The following QPCT variants were observed in gnomAD, a reference collection of about 807,000 sequenced individuals.
The protein encoded by QPCT is glutaminyl-peptide cyclotransferase, also known as EC.
A neutral mutation model predicts 43.4 loss-of-function variants in QPCT; 44 were observed. That is an observed-to-expected ratio of 1.01 (90% CI 0.80 to 1.30). The LOEUF (loss-of-function observed/expected upper bound fraction) is 1.30, where lower values mean the gene tolerates loss of function less well. QPCT is among the 50% of genes most tolerant of loss of function. The pLI is 0.00. For synonymous variants in QPCT, 168 were observed against 168.4 expected (o/e 1.00, Z 0.02); for missense variants, 526 against 436.5 (o/e 1.21, Z -1.83).
intron 1 of QPCT, among the ~76,000 whole-genome samples, chr2:37,345,171 G>A (rs1021583124): frequency 2.6e-5 from 4 of 152,176 alleles, no homozygotes; most frequent in Non-Finnish European, 4.4e-5. Flanking sequence ...CGGGAGGCGA[G>A]GGCGCATCGC....
chr2:37,372,220 C>T, intron 5 of QPCT, 136 bp from the exon 6 acceptor site: 1 of 704,662 alleles, frequency 1.4e-6, no homozygotes, highest in Non-Finnish European at 2.6e-6. Context: ...TGGGTGTGGC[C>T]ATGCTTGCTG....
chr2:37,370,865 T>G (rs373448636), intron 5 of QPCT, among the ~76,000 whole-genome samples: 1 of 152,164 alleles, frequency 6.6e-6, no homozygotes, highest in Non-Finnish European at 1.5e-5. Flanking sequence ...CAGGGAAAGA[T>G]GAAAATGAGA....
chr2:37,367,351 G>T lies in QPCT; in HGVS notation c.666G>T (p.Lys222Asn). The change falls in exon 4 of 7, where the codon AAG becomes AAT. Residue 222 changes from lysine (K) to asparagine (N), a missense_variant. By Grantham distance (94) the Lys-to-Asn change is moderately conservative. Coordinates refer to ENST00000338415, the MANE Select transcript of QPCT (RefSeq NM_012413.4). The stretch of plus-strand genomic sequence containing the variant: ...ATGGGTCTCGACACTTAGCTGCAAA[G>T]ATGGCATCGACCCCGCACCCACCTG... ...SLYGSRHLAA[K>N]MASTPHPPGA... 6.2e-7 allele frequency: 1 copy of T among 1,614,048 alleles called. No individual in the cohort carries two copies. The highest frequency in any genetic ancestry group is 8.5e-7 in the Non-Finnish European group (1 of 1,179,942).
At chr2:37,344,915 C>T (rs1208630880) in intron 1 of QPCT, 64 bp downstream of exon 1, 2 of 1,483,514 alleles carry the variant, frequency 1.3e-6, no homozygotes, top group Non-Finnish European at 8.9e-7. Flanking sequence ...GACCCCTGGC[C>T]GGGTCAGCCC....
At chr2:37,347,916 CAT>C (rs1173845411) in intron 1 of QPCT, among the ~76,000 whole-genome samples, 1 of 152,182 alleles carries the variant, frequency 6.6e-6, no homozygotes, top group Non-Finnish European at 1.5e-5. Flanking sequence ...ATAAAGTTGA[CAT>C]GTGCTCATTT....
chr2:37,359,526 C>T (rs1572733357), intron 2 of QPCT, 54 bp from the exon 3 acceptor site: 6 of 1,519,728 alleles, frequency 3.9e-6, no homozygotes, highest in Middle Eastern at 1.8e-4. Flanking sequence ...TCACAGTTAA[C>T]AAATGAAAGC....
At chr2:37,345,135 A>G (rs1398392669) in intron 1 of QPCT, among the ~76,000 whole-genome samples, 1 of 152,122 alleles carries the variant, frequency 6.6e-6, no homozygotes, top group Non-Finnish European at 1.5e-5. Context: ...GGCACAGGAA[A>G]TGTGTCTCGC....
At chr2:37,355,998 G>T (rs1345532740) in intron 2 of QPCT, among the ~76,000 whole-genome samples, 1 of 152,054 alleles carries the variant, frequency 6.6e-6, no homozygotes, top group Non-Finnish European at 1.5e-5. Context: ...GAGTAAAGAG[G>T]TACCCGAGTC....
intron 3 of QPCT, among the ~76,000 whole-genome samples, chr2:37,365,810 A>G (rs2124940938): frequency 6.6e-6 from 1 of 152,252 alleles, no homozygotes; most frequent in African/African-American, 2.4e-5. Context: ...GGAGAGGAGG[A>G]ATGTGAAATC....
chr2:37,349,549 C>T (rs1183580061), intron 1 of QPCT, among the ~76,000 whole-genome samples: 4 of 152,340 alleles, frequency 2.6e-5, no homozygotes, highest in South Asian at 4.1e-4. Flanking sequence ...AAGCTTCTAT[C>T]CACAGTGACC....
intron 2 of QPCT, among the ~76,000 whole-genome samples, chr2:37,357,069 T>G (rs536771078): frequency 3.9e-5 from 6 of 152,030 alleles, no homozygotes; most frequent in Non-Finnish European, 8.8e-5. Context: ...GATTCTCTTA[T>G]GGATTTTAGT....
intron 2 of QPCT, among the ~76,000 whole-genome samples, chr2:37,359,252 T>C (rs1251290839): frequency 6.6e-6 from 1 of 152,116 alleles, no homozygotes; most frequent in Non-Finnish European, 1.5e-5. Context: ...TATGCTACTG[T>C]AGGTTTGCAT....
chr2:37,345,168 C>T (rs1672456614), intron 1 of QPCT, among the ~76,000 whole-genome samples: 1 of 152,162 alleles, frequency 6.6e-6, no homozygotes, highest in Non-Finnish European at 1.5e-5. Context: ...AGCCGGGAGG[C>T]GAGGGCGCAT....
chr2:37,359,661 T>C lies in QPCT; in HGVS notation c.349T>C (p.Tyr117His), dbSNP rs1672823284. Reference protein sequence around the residue: ...DTFLSQTPYGYRSFSNIISTL... With the variant: ...DTFLSQTPYGHRSFSNIISTL... ...CTTCTTGAGTCAGACACCCTATGGG[T>C]ACCGGTCTTTCTCAAATATCATCAG... Residue 117 changes from tyrosine (Y) to histidine (H), a missense_variant, in exon 3 of 7, where the codon TAC (tyrosine) becomes CAC (histidine). Coordinates refer to ENST00000338415, the MANE Select transcript of QPCT (RefSeq NM_012413.4). The C allele has an allele frequency of 3.7e-6, 6 of 1,614,126 alleles. No individual in the cohort carries two copies. Among genetic ancestry groups the C allele is most frequent in the Non-Finnish European group, 5.1e-6 (6 of 1,179,974 alleles).
chr2:37,359,069 T>C (rs1369918190), intron 2 of QPCT, among the ~76,000 whole-genome samples: 1 of 152,210 alleles, frequency 6.6e-6, no homozygotes, highest in African/African-American at 2.4e-5. Context: ...CTTTGTAGCC[T>C]CCTAGAAATA....
chr2:37,345,770 A>G (rs1407791272), intron 1 of QPCT, among the ~76,000 whole-genome samples: 2 of 148,134 alleles, frequency 1.4e-5, no homozygotes, highest in Non-Finnish European at 3.0e-5. Context: ...CGGGGGGCGG[A>G]GCTTGCAGTA....
Position 37,372,690 on chromosome 2 carries a change from G to C in QPCT, c.949G>C (p.Val317Leu), listed in dbSNP as rs749641491. 6.2e-7 allele frequency: 1 copy of C among 1,612,908 alleles called. No individual in the cohort carries two copies. The highest frequency in any genetic ancestry group is 1.1e-5 in the South Asian group (1 of 90,770). Reference protein sequence around the residue: ...HIPFLRRGVPVLHLIPSPFPE... With the variant: ...HIPFLRRGVPLLHLIPSPFPE... ...TGGTTCTTTCTTAATAGGTGTTCCA[G>C]TTCTGCATCTGATACCGTCTCCTTT... Residue 317 changes from valine (V) to leucine (L), a missense_variant, in exon 7 of 7, where the codon GTT (valine) becomes CTT (leucine). By Grantham distance (32) the Val-to-Leu change is conservative. Transcript: ENST00000338415.
At chr2:37,368,560 G>T (rs898964138) in intron 4 of QPCT, 2 of 470,628 alleles carry the variant, frequency 4.2e-6, no homozygotes, top group African/African-American at 4.0e-5. Flanking sequence ...AGTACAAATG[G>T]TCACATTCTG....
At chr2:37,347,449 G>A (rs768777262) in intron 1 of QPCT, among the ~76,000 whole-genome samples, 6 of 151,090 alleles carry the variant, frequency 4.0e-5, no homozygotes, top group Admixed American at 2.0e-4. Flanking sequence ...TGATGTACCC[G>A]GAACAGTGCC....
Sources: gnomAD v4.1 joint callset for allele counts (sites outside exome capture counted in the v4.1 genomes callset) on GRCh38, gnomAD v4.1.1 for gene constraint, MANE v1.5 for transcripts, NCBI Gene and HGNC (gene_info 2026-07-23, HGNC 2026-07-21) for gene names.